MAN2B2: variants seen among roughly 807,000 people sequenced by gnomAD.
MAN2B2 encodes mannosidase alpha class 2B member 2, also known as epididymis-specific alpha-mannosidase.
Under a neutral mutation model 117.1 loss-of-function variants are expected in MAN2B2, and 106 were observed. That is an observed-to-expected ratio of 0.90 (90% CI 0.77 to 1.06). The LOEUF is 1.06. MAN2B2 is among the 50% of genes least tolerant of loss of function. The pLI, the probability that MAN2B2 is intolerant of heterozygous loss-of-function variation, is 0.00. For synonymous variants in MAN2B2, 544 were observed against 595.1 expected, an observed-to-expected ratio of 0.91 and a Z score of 1.25; for missense variants, 1,326 against 1,381.4, an observed-to-expected ratio of 0.96 and a Z score of 0.64.
intron 2 of MAN2B2, among the ~76,000 whole-genome samples, chr4:6,578,141 G>C (rs1460448894): frequency 6.6e-6 from 1 of 152,124 alleles, no homozygotes; most frequent in Non-Finnish European, 1.5e-5. Flanking sequence ...TTTAGAATTA[G>C]TTAATAAAAT....
At chr4:6,606,369 G>C (rs1167153309) in intron 11 of MAN2B2, among the ~76,000 whole-genome samples, 1 of 152,250 alleles carries the variant, frequency 6.6e-6, no homozygotes, top group Non-Finnish European at 1.5e-5. Context: ...AGCCAGCATG[G>C]GTGGCTGGCA....
chr4:6,576,585 T>A lies in MAN2B2; in HGVS notation c.146T>A (p.Met49Lys), dbSNP rs780044508. The A allele has an allele frequency of 6.2e-7, 1 of 1,608,506 alleles. No individual in the cohort carries two copies. Among genetic ancestry groups the A allele is most frequent in the Non-Finnish European group, 8.5e-7 (1 of 1,177,038 alleles). ...VGWVYTVQES[M>K]RAYAANVYTS... Reference sequence around the variant, plus strand: ...ATGCTGTCCCCTCCCCAGGAAAGCATGCGGGCGTACGCCGCCAATGTCTAC... The same window carrying A: ...ATGCTGTCCCCTCCCCAGGAAAGCAAGCGGGCGTACGCCGCCAATGTCTAC... The change falls in exon 2 of 19, where the codon ATG (methionine) becomes AAG (lysine). Residue 49 changes from methionine to lysine, a missense_variant. Transcript: ENST00000285599.
Position 6,605,133 on chromosome 4 carries a change from TACA to T in MAN2B2, c.1622_1624del (p.Asn541del). On this transcript the variant is annotated inframe_deletion, in exon 11 of 19. Coordinates refer to ENST00000285599, the MANE Select transcript of MAN2B2 (RefSeq NM_015274.3). ...AATCCCAGGCCTCAGTTACCGGCAC[TACA>T]ACATCAGACCCACTGCAGGGGCCCA... 6.2e-7 allele frequency: 1 copy of T among 1,614,164 alleles called. No individual in the cohort carries two copies. The highest frequency in any genetic ancestry group is 8.5e-7 in the Non-Finnish European group (1 of 1,180,018).
At chr4:6,586,053 G>GT (rs759999292) in intron 3 of MAN2B2, among the ~76,000 whole-genome samples, 9,946 of 143,716 alleles carry the variant, frequency 0.069, 401 homozygotes, top group East Asian at 0.16. Flanking sequence ...TTTTCTTGTG[G>GT]TTTTTTTTTT....
chr4:6,578,673 G>C (rs1395614751), intron 3 of MAN2B2, among the ~76,000 whole-genome samples, 175 bp downstream of exon 3: 1 of 152,100 alleles, frequency 6.6e-6, no homozygotes, highest in African/African-American at 2.4e-5. Context: ...CAAGGAAGTT[G>C]AATGTAGGGG....
intron 11 of MAN2B2, among the ~76,000 whole-genome samples, chr4:6,607,127 T>G (rs774277512): frequency 6.6e-6 from 1 of 152,220 alleles, no homozygotes; most frequent in Non-Finnish European, 1.5e-5. Context: ...TTTCTGTCTA[T>G]ATGGATTTAC....
intron 5 of MAN2B2, among the ~76,000 whole-genome samples, chr4:6,590,694 T>C (rs1726821891): frequency 6.6e-6 from 1 of 152,316 alleles, no homozygotes; most frequent in African/African-American, 2.4e-5. Context: ...GGTGCAGGGA[T>C]AGGGGTGCTG....
chr4:6,586,082 T>G (rs2108737813), intron 3 of MAN2B2, among the ~76,000 whole-genome samples: 1 of 150,998 alleles, frequency 6.6e-6, no homozygotes, highest in East Asian at 2.0e-4. Context: ...AGAGTCTCAC[T>G]CTGTCACCCA....
chr4:6,592,947 G>A (rs975142388), intron 5 of MAN2B2, among the ~76,000 whole-genome samples: 1 of 152,128 alleles, frequency 6.6e-6, no homozygotes, highest in African/African-American at 2.4e-5. Flanking sequence ...CCAAGCCCCC[G>A]GCCTCTTTGG....
Position 6,589,111 on chromosome 4 carries a change from A to G in MAN2B2, c.631A>G (p.Met211Val). 2 of 1,614,200 alleles carry G rather than the reference A, an allele frequency of 1.2e-6. No individual in the cohort carries two copies. Among genetic ancestry groups the G allele is most frequent in the Non-Finnish European group, 8.5e-7 (1 of 1,180,018 alleles). ...SERQEIFTHI[M>V]DQYSYCTPSH... ...GCGGCAGGAAATCTTCACGCACATCATGGACCAGTACAGCTACTGCACCCC... is the reference window on the plus strand; with the variant it reads ...GCGGCAGGAAATCTTCACGCACATCGTGGACCAGTACAGCTACTGCACCCC... The change falls in exon 5 of 19, where the codon ATG becomes GTG. Residue 211 changes from methionine (M) to valine (V), a missense_variant. Physicochemically the swap from Met to Val is conservative, Grantham distance 21. Transcript: ENST00000285599.
At chr4:6,610,746 C>T in intron 13 of MAN2B2, 134 bp from the exon 14 acceptor site, 1 of 728,232 alleles carries the variant, frequency 1.4e-6, no homozygotes, top group Non-Finnish European at 2.4e-6. Flanking sequence ...GTCTGTTGGT[C>T]TCCAAAGTCA....
At position 6,598,213 on chromosome 4, in the gene MAN2B2, GC is replaced by G; in HGVS notation, c.1266del (p.Ile423SerfsTer9). ...WAVSEVQHHD[A>X]ITGTESPKVR... Reference sequence around the variant, plus strand: ...GTTGCTGCAGGTCCAGCACCATGATGCCATCACTGGGACTGAGTCCCCCAAG... The same window carrying G: ...GTTGCTGCAGGTCCAGCACCATGATGCATCACTGGGACTGAGTCCCCCAAG... On this transcript the variant is annotated frameshift_variant, in exon 9 of 19. Coordinates refer to ENST00000285599, the MANE Select transcript of MAN2B2 (RefSeq NM_015274.3). LOFTEE classifies it high-confidence loss of function. The G allele has an allele frequency of 6.2e-7, 1 of 1,613,560 alleles. No individual in the cohort carries two copies. Among genetic ancestry groups the G allele is most frequent in the Non-Finnish European group, 8.5e-7 (1 of 1,179,914 alleles).
At chr4:6,592,684 C>T (rs956322209) in intron 5 of MAN2B2, among the ~76,000 whole-genome samples, 5 of 152,130 alleles carry the variant, frequency 3.3e-5, no homozygotes, top group African/African-American at 9.7e-5. Flanking sequence ...GCTGCTACCC[C>T]GAGGCTGCAC....
At position 6,610,884 on chromosome 4, in the gene MAN2B2, AC is replaced by A; in HGVS notation, c.2265del (p.Tyr756ThrfsTer56). The part of the protein sequence containing the change: ...SYVNNSIARN[Y>X]YPMVQSAFME... ...TGGCGATGTTTCTGTCTGCAGAATT[AC>A]TACCCCATGGTTCAGTCGGCCTTCA... is the stretch of plus-strand genomic sequence containing the variant. On this transcript the variant is annotated frameshift_variant, in exon 14 of 19. Coordinates refer to ENST00000285599, the MANE Select transcript of MAN2B2 (RefSeq NM_015274.3). LOFTEE classifies it high-confidence loss of function. 1 of 1,614,110 alleles carries A rather than the reference AC, an allele frequency of 6.2e-7. No homozygotes were observed. Among genetic ancestry groups the A allele is most frequent in the East Asian group, 2.2e-5 (1 of 44,874 alleles).
intron 2 of MAN2B2, among the ~76,000 whole-genome samples, chr4:6,576,995 G>C (rs944370723): frequency 5.3e-5 from 8 of 152,158 alleles, no homozygotes; most frequent in Admixed American, 1.3e-4. Context: ...TTCCGTGCCA[G>C]CTGGCACTAA....
intron 8 of MAN2B2, among the ~76,000 whole-genome samples, chr4:6,597,711 G>A (rs565385442): frequency 6.6e-6 from 1 of 152,144 alleles, no homozygotes; most frequent in African/African-American, 2.4e-5. Flanking sequence ...TGGGGCAATT[G>A]GATGTGCTGG....
intron 18 of MAN2B2, chr4:6,620,919 C>T (rs1712140549): frequency 6.6e-6 from 3 of 452,658 alleles, no homozygotes; most frequent in South Asian, 6.3e-5. Flanking sequence ...GAATTGCCCT[C>T]AGGGTGGGCA....
rs1339630193 is a variant in MAN2B2 at position 6,610,929 on chromosome 4, G to C, written c.2309G>C (p.Arg770Thr). 6.2e-7 allele frequency: 1 copy of C among 1,614,228 alleles called. No homozygotes were observed. The highest frequency in any genetic ancestry group is 1.3e-5 in the African/African-American group (1 of 75,050). Reference protein sequence around the residue: ...QSAFMEDGKSRLVLLSERAHG... With the variant: ...QSAFMEDGKSTLVLLSERAHG... ...GCCTTCATGGAGGATGGCAAAAGCA[G>C]GCTTGTGTTGCTGTCGGAGCGGGCA... The change falls in exon 14 of 19, where the codon AGG (arginine) becomes ACG (threonine). Residue 770 changes from arginine to threonine, a missense_variant. Transcript: ENST00000285599.
rs1475286749 is a variant in MAN2B2, at chr4:6,605,221, TGAG to T, written c.1710_1712del (p.Arg572del). 5.6e-6 allele frequency: 9 copies of T among 1,614,102 alleles called. No individual in the cohort carries two copies. The highest frequency in any genetic ancestry group is 4.4e-5 in the South Asian group (4 of 91,092). On this transcript the variant is annotated inframe_deletion, in exon 11 of 19. Transcript: ENST00000285599. The stretch of plus-strand genomic sequence containing the variant: ...AGCACCCTTCAATTTGGCCGCAGGC[TGAG>T]GAGACGCACCAGCCATGCGGGCAGG...
Sources: gnomAD v4.1 joint callset for allele counts (sites outside exome capture counted in the v4.1 genomes callset) on GRCh38, gnomAD v4.1.1 for gene constraint, MANE v1.5 for transcripts, NCBI Gene and HGNC (gene_info 2026-07-23, HGNC 2026-07-21) for gene names.